NOL4: variants seen among roughly 807,000 people sequenced by gnomAD.
NOL4 encodes nucleolar protein 4.
NOL4 carries 17 observed loss-of-function variants against 75.9 expected under a neutral mutation model. The observed-to-expected ratio is 0.22, with a 90% CI of 0.15 to 0.34. NOL4 has a LOEUF of 0.34. Among genes scored for constraint, NOL4 ranks in the 10% least tolerant of loss-of-function variants. The pLI is 1.00. For synonymous variants in NOL4, 292 were observed against 289.9 expected, an observed-to-expected ratio of 1.01 and a Z score of -0.07; for missense variants, 614 against 793.5, an observed-to-expected ratio of 0.77 and a Z score of 2.72.
At chr18:33,933,280 C>G (rs1469561313) in intron 9 of NOL4, among the ~76,000 whole-genome samples, 1 of 152,130 alleles carries the variant, frequency 6.6e-6, no homozygotes, top group East Asian at 1.9e-4. Context: ...TCATCTGAGT[C>G]TTCTTGAGTC....
At position 34,223,527 on chromosome 18, in the gene NOL4, T is replaced by A; in HGVS notation, c.-274A>T. 1.8e-6 allele frequency: 1 copy of A among 540,850 alleles called. No individual in the cohort carries two copies. Among genetic ancestry groups the A allele is most frequent in the Non-Finnish European group, 3.3e-6 (1 of 304,172 alleles). 33.5% of individuals were successfully genotyped at this position (540,850 alleles called of 1,614,324 possible). A position where few individuals can be genotyped will look rare whatever the true frequency, so the allele number is the denominator to read the frequency against. ...CTGTTCCCTTAGCGGTCGGTCTCTT[T>A]AATATTTTGTGACCAGGACCATCCC... On this transcript the variant is annotated 5_prime_UTR_variant, in exon 1 of 11. An upstream open reading frame in the 5' UTR gains an earlier in-frame stop. Transcript: ENST00000261592.
chr18:34,122,835 C>G (rs1460970551), intron 2 of NOL4, among the ~76,000 whole-genome samples: 1 of 151,958 alleles, frequency 6.6e-6, no homozygotes, highest in African/African-American at 2.4e-5. Flanking sequence ...TTTTTTTACA[C>G]TATCAGAGTA....
chr18:34,134,600 T>TATATAA (rs2080815200), intron 1 of NOL4, among the ~76,000 whole-genome samples: 1 of 151,808 alleles, frequency 6.6e-6, no homozygotes, highest in African/African-American at 2.4e-5. Context: ...AGGCAGAAGA[T>TATATAA]ATATAAAGAA....
intron 5 of NOL4, among the ~76,000 whole-genome samples, chr18:34,034,854 A>G (rs1161132967): frequency 6.6e-6 from 1 of 152,114 alleles, no homozygotes; most frequent in Non-Finnish European, 1.5e-5. Flanking sequence ...AAAAAAAAGG[A>G]CAAAGAAGGT....
At chr18:34,177,888 T>C (rs1388823360) in intron 1 of NOL4, among the ~76,000 whole-genome samples, 1 of 151,704 alleles carries the variant, frequency 6.6e-6, no homozygotes, top group Non-Finnish European at 1.5e-5. Flanking sequence ...TGAAGAAAAC[T>C]AGAAAGTAAT....
At chr18:34,205,121 C>T (rs1185140337) in intron 1 of NOL4, among the ~76,000 whole-genome samples, 1 of 152,004 alleles carries the variant, frequency 6.6e-6, no homozygotes, top group Admixed American at 6.6e-5. Context: ...TTTTAAATTT[C>T]AAAAGTTTAC....
intron 6 of NOL4, among the ~76,000 whole-genome samples, chr18:34,017,437 T>C (rs2074763435): frequency 6.6e-6 from 1 of 152,136 alleles, no homozygotes. Context: ...GGTAAGCAAC[T>C]TAACAGAGCC....
intron 10 of NOL4, 123 bp downstream of exon 10, chr18:33,883,121 G>T (rs1321164563): frequency 1.1e-5 from 7 of 614,082 alleles, no homozygotes; most frequent in Non-Finnish European, 1.9e-5. Flanking sequence ...ATGAGTTAGT[G>T]GGTGCAGCGC....
chr18:33,913,212 G>T (rs914749439), intron 9 of NOL4, among the ~76,000 whole-genome samples: 1 of 151,942 alleles, frequency 6.6e-6, no homozygotes, highest in African/African-American at 2.4e-5. Flanking sequence ...CATTAACATT[G>T]CATGTTGTTT....
chr18:33,963,331 A>G (rs191577785), intron 6 of NOL4, among the ~76,000 whole-genome samples: 1 of 152,274 alleles, frequency 6.6e-6, no homozygotes, highest in Admixed American at 6.5e-5. Flanking sequence ...TTTCTATAAA[A>G]CTATTTGGTT....
At chr18:34,188,593 A>T (rs2034671871) in intron 1 of NOL4, among the ~76,000 whole-genome samples, 1 of 152,226 alleles carries the variant, frequency 6.6e-6, no homozygotes, top group African/African-American at 2.4e-5. Context: ...ATTTTATAAT[A>T]AAATGTGAAT....
At chr18:34,121,401 C>T (rs542961827) in intron 2 of NOL4, 44 of 152,270 alleles carry the variant, frequency 2.9e-4, no homozygotes, top group African/African-American at 9.4e-4. Flanking sequence ...TGTTGCAACT[C>T]CCCTTGTTAA....
At chr18:34,042,701 C>T (rs536589826) in intron 5 of NOL4, among the ~76,000 whole-genome samples, 21 of 152,110 alleles carry the variant, frequency 1.4e-4, no homozygotes, top group African/African-American at 4.8e-4. Flanking sequence ...TCCTTTAATT[C>T]CCCAAACAAT....
intron 9 of NOL4, among the ~76,000 whole-genome samples, chr18:33,900,316 C>A (rs2065671709): frequency 6.6e-6 from 1 of 152,088 alleles, no homozygotes; most frequent in Non-Finnish European, 1.5e-5. Flanking sequence ...CTAAGCAATT[C>A]ATGAGGGGTC....
chr18:33,999,215 T>C (rs1231772103), intron 6 of NOL4, among the ~76,000 whole-genome samples: 1 of 151,400 alleles, frequency 6.6e-6, no homozygotes, highest in Non-Finnish European at 1.5e-5. Context: ...TCATAGTTTA[T>C]TGGCTGTGTG....
At chr18:34,024,194 A>AATATATAT (rs1555696185) in intron 5 of NOL4, among the ~76,000 whole-genome samples, 7 of 70,686 alleles carry the variant, frequency 9.9e-5, no homozygotes, top group South Asian at 3.6e-4. Flanking sequence ...AAAAAAAAAA[A>AATATATAT]ATATATATAT....
chr18:33,908,533 T>C (rs991093208), intron 9 of NOL4, among the ~76,000 whole-genome samples: 2 of 152,044 alleles, frequency 1.3e-5, no homozygotes, highest in African/African-American at 4.8e-5. Flanking sequence ...CTTGAAGGAG[T>C]CATAAAATTG....
intron 2 of NOL4, among the ~76,000 whole-genome samples, chr18:34,112,281 A>G (rs2079626799): frequency 1.3e-5 from 2 of 152,010 alleles, no homozygotes; most frequent in South Asian, 4.1e-4. Flanking sequence ...AGACAGGAGA[A>G]TCACTTGAAC....
intron 9 of NOL4, among the ~76,000 whole-genome samples, chr18:33,898,021 C>T (rs556145430): frequency 9.2e-5 from 14 of 152,094 alleles, no homozygotes; most frequent in Non-Finnish European, 1.8e-4. Context: ...AATCCTCGCA[C>T]CTCAGCCTCC....
Sources: gnomAD v4.1 joint callset for allele counts (sites outside exome capture counted in the v4.1 genomes callset) on GRCh38, gnomAD v4.1.1 for gene constraint, MANE v1.5 for transcripts, NCBI Gene and HGNC (gene_info 2026-07-23, HGNC 2026-07-21) for gene names.